Variants in CSMD1 observed in about 807,000 individuals in gnomAD.
The protein encoded by CSMD1 is CUB and Sushi multiple domains 1, also known as CUB and sushi domain-containing protein 1.
A neutral mutation model predicts 417.5 loss-of-function variants in CSMD1; 213 were observed. That is an observed-to-expected ratio of 0.51 (90% CI 0.46 to 0.57). CSMD1 has a LOEUF of 0.57. CSMD1 is among the 20% of genes least tolerant of loss of function. CSMD1 has a pLI of 0.00. For synonymous variants in CSMD1, 2,862 were observed against 1,736.8 expected (o/e 1.65, Z -16.11); for missense variants, 6,923 against 4,529.7 (o/e 1.53, Z -15.17).
At chr8:3,468,652 G>T (rs1816917733) in intron 12 of CSMD1, 60 bp downstream of exon 12, 1 of 1,012,510 alleles carries the variant, frequency 9.9e-7, no homozygotes. Flanking sequence ...AACACAGAAT[G>T]CTCTCTGCCC....
At chr8:3,647,790 G>A (rs1412575510) in intron 7 of CSMD1, among the ~76,000 whole-genome samples, 1 of 152,186 alleles carries the variant, frequency 6.6e-6, no homozygotes, top group Non-Finnish European at 1.5e-5. Context: ...AAGAGAGAGA[G>A]ATATTGAAAA....
At chr8:4,010,591 A>G (rs568739838) in intron 4 of CSMD1, among the ~76,000 whole-genome samples, 3 of 150,148 alleles carry the variant, frequency 2.0e-5, no homozygotes, top group East Asian at 1.9e-4. Flanking sequence ...CAGTCTGACT[A>G]CATTCTGAGC....
At chr8:3,268,308 T>C (rs1185679166) in intron 26 of CSMD1, among the ~76,000 whole-genome samples, 1 of 136,658 alleles carries the variant, frequency 7.3e-6, no homozygotes, top group African/African-American at 2.7e-5. Flanking sequence ...TTTTTTTTTT[T>C]TTTTTTGAGA....
chr8:4,401,871 C>T (rs1804668097), intron 3 of CSMD1, among the ~76,000 whole-genome samples: 1 of 152,084 alleles, frequency 6.6e-6, no homozygotes, highest in Non-Finnish European at 1.5e-5. Context: ...AAATTCCCAG[C>T]TTTGACTCTT....
In CSMD1 at chr8:3,693,859, G is replaced by A. The variant is rs112292482; in HGVS notation, c.1009+14555C>T. On this transcript the variant is annotated intron_variant, in intron 7 of 69. Transcript: ENST00000635120. ...TTGTGTGTGTTAGGGTATATTATGTGCTGTATGTGTGTTTCGTGTATGTTG... is the reference window on the plus strand; with the variant it reads ...TTGTGTGTGTTAGGGTATATTATGTACTGTATGTGTGTTTCGTGTATGTTG... 1.2e-3 allele frequency among the ~76,000 whole-genome samples: 179 copies of A among 150,634 alleles called. 2 individuals carry two copies. Among genetic ancestry groups the A allele is most frequent in the African/African-American group, 4.2e-3 (173 of 41,044 alleles).
chr8:2,948,967 C>CT (rs879697468), intron 68 of CSMD1, among the ~76,000 whole-genome samples: 2,196 of 146,274 alleles, frequency 0.015, 42 homozygotes, highest in African/African-American at 0.049. Context: ...ATTACTCTTA[C>CT]TTTTTTTTTT....
Position 2,963,392 on chromosome 8 carries a change from A to T in CSMD1, c.9284T>A (p.Val3095Glu). 1.2e-6 allele frequency: 2 copies of T among 1,613,572 alleles called. No individual in the cohort carries two copies. The highest frequency in any genetic ancestry group is 8.5e-7 in the Non-Finnish European group (1 of 1,179,506). Residue 3095 changes from valine (V) to glutamate (E), a missense_variant, in exon 60 of 70, where the codon GTG (valine) becomes GAG (glutamate). By Grantham distance (121) the Val-to-Glu change is moderately radical. Coordinates refer to ENST00000635120, the MANE Select transcript of CSMD1 (RefSeq NM_033225.6). Reference sequence around the variant, plus strand: ...CACCGGCGGCGGCTGAGGACACAGCACGGCTATTTCCAAAGAACAAACAAG... The same window carrying T: ...CACCGGCGGCGGCTGAGGACACAGCTCGGCTATTTCCAAAGAACAAACAAG... The part of the protein sequence containing the change: ...WNPSKPVCKA[V>E]LCPQPPPVQN...
intron 5 of CSMD1, among the ~76,000 whole-genome samples, chr8:3,838,502 G>C (rs968856634): frequency 7.9e-6 from 1 of 125,828 alleles, no homozygotes; most frequent in African/African-American, 3.1e-5. Flanking sequence ...TATAGCCTAG[G>C]CTATATATAA....
intron 4 of CSMD1, among the ~76,000 whole-genome samples, chr8:4,008,501 G>A (rs1306751710): frequency 6.7e-6 from 1 of 149,474 alleles, no homozygotes; most frequent in Non-Finnish European, 1.5e-5. Flanking sequence ...TACACATGAT[G>A]CAGAACAAAA....
chr8:4,369,297 T>G (rs1410803344), intron 3 of CSMD1, among the ~76,000 whole-genome samples: 1 of 152,146 alleles, frequency 6.6e-6, no homozygotes, highest in East Asian at 1.9e-4. Context: ...TTTGTGCTGT[T>G]TTATTTGTGG....
intron 2 of CSMD1, among the ~76,000 whole-genome samples, chr8:4,591,032 A>G (rs564244941): frequency 5.9e-5 from 9 of 152,268 alleles, no homozygotes; most frequent in Non-Finnish European, 1.2e-4. Flanking sequence ...AATCAATTGC[A>G]TGTTTCTCTG....
At chr8:3,241,294 C>G (rs1799496414) in intron 26 of CSMD1, among the ~76,000 whole-genome samples, 1 of 150,494 alleles carries the variant, frequency 6.6e-6, no homozygotes, top group Non-Finnish European at 1.5e-5. Context: ...AGAAGCCTGG[C>G]CGTCAATACC....
At chr8:3,718,503 G>A (rs1166065589) in intron 6 of CSMD1, among the ~76,000 whole-genome samples, 4 of 152,166 alleles carry the variant, frequency 2.6e-5, no homozygotes, top group Non-Finnish European at 5.9e-5. Flanking sequence ...CTTACAATGT[G>A]AACCATTTGT....
intron 7 of CSMD1, among the ~76,000 whole-genome samples, chr8:3,658,511 G>T (rs541329497): frequency 7.4e-5 from 11 of 148,264 alleles, no homozygotes; most frequent in Admixed American, 7.4e-4. Context: ...GGTCGGGCTT[G>T]GTGTCTCATG....
At chr8:3,229,386 G>C (rs1364860118) in intron 27 of CSMD1, among the ~76,000 whole-genome samples, 2 of 152,168 alleles carry the variant, frequency 1.3e-5, no homozygotes, top group African/African-American at 2.4e-5. Context: ...TGAATGAAGA[G>C]ACAATCTACC....
chr8:4,162,373 G>T (rs368114819), intron 3 of CSMD1, among the ~76,000 whole-genome samples: 1 of 152,070 alleles, frequency 6.6e-6, no homozygotes, highest in Non-Finnish European at 1.5e-5. Flanking sequence ...ATGTTCAAAT[G>T]TTTTTTGGTT....
At chr8:4,901,515 A>C (rs1385169780) in intron 1 of CSMD1, among the ~76,000 whole-genome samples, 1 of 152,216 alleles carries the variant, frequency 6.6e-6, no homozygotes, top group Admixed American at 6.5e-5. Flanking sequence ...TGAGCTTAAA[A>C]TTACCTCTGT....
At chr8:3,909,271 G>A (rs554879560) in intron 5 of CSMD1, among the ~76,000 whole-genome samples, 17 of 152,258 alleles carry the variant, frequency 1.1e-4, no homozygotes, top group African/African-American at 4.1e-4. Context: ...TGTCAGTGTT[G>A]AGGCACTTTC....
chr8:2,938,579 T>A lies in CSMD1; in HGVS notation c.*6A>T. On this transcript the variant is annotated 3_prime_UTR_variant, in exon 70 of 70. Transcript: ENST00000635120. ...CTATGAATCAGTCCTGTTGGGGCAC[T>A]GAGGGCTATACCACTGTACAGACTG... The A allele has an allele frequency of 2.5e-6, 4 of 1,609,756 alleles. No individual in the cohort carries two copies. Among genetic ancestry groups the A allele is most frequent in the Non-Finnish European group, 3.4e-6 (4 of 1,177,952 alleles).
Sources: gnomAD v4.1 joint callset for allele counts (sites outside exome capture counted in the v4.1 genomes callset) on GRCh38, gnomAD v4.1.1 for gene constraint, MANE v1.5 for transcripts, NCBI Gene and HGNC (gene_info 2026-07-23, HGNC 2026-07-21) for gene names.